The following SLIT1 variants were observed in gnomAD, a reference collection of about 807,000 sequenced individuals.
SLIT1 encodes the protein slit homolog 1 protein.
In SLIT1, 66 loss-of-function variants were observed where a neutral mutation model predicts 186.1. The ratio of observed to expected loss-of-function variants is 0.35; its 90% CI spans 0.29 to 0.44. The LOEUF is 0.44. SLIT1 is among the 20% of genes least tolerant of loss of function. The pLI, the probability that SLIT1 is intolerant of heterozygous loss-of-function variation, is 1.00. For synonymous variants in SLIT1, 761 were observed against 833.8 expected (o/e 0.91, Z 1.50); for missense variants, 1,638 against 2,037.4 (o/e 0.80, Z 3.77).
chr10:97,049,526 A>T (rs981643313), intron 13 of SLIT1, among the ~76,000 whole-genome samples: 5 of 152,210 alleles, frequency 3.3e-5, no homozygotes, highest in Admixed American at 3.3e-4. Flanking sequence ...CAGAGAGGGT[A>T]ACAAAACCCA....
intron 4 of SLIT1, among the ~76,000 whole-genome samples, chr10:97,147,761 T>C (rs1024925509): frequency 2.0e-5 from 3 of 152,072 alleles, no homozygotes; most frequent in African/African-American, 7.3e-5. Context: ...CTAGAACATT[T>C]CTAGGTCTAG....
chr10:97,177,238 G>C (rs937174202), intron 1 of SLIT1, among the ~76,000 whole-genome samples: 2 of 152,130 alleles, frequency 1.3e-5, no homozygotes, highest in Non-Finnish European at 2.9e-5. Context: ...GACCTCTGGG[G>C]CCATCTTTTT....
rs1323442978 is a variant in SLIT1, at chr10:97,001,045, G to A, written c.*67C>T. The A allele has an allele frequency of 1.7e-5, 23 of 1,329,108 alleles. No individual in the cohort carries two copies. Among genetic ancestry groups the A allele is most frequent in the Middle Eastern group, 2.4e-4 (1 of 4,124 alleles). The allele number at this position is 1,329,108 out of a possible 1,614,324, so 82.3% of individuals were successfully genotyped here. On this transcript the variant is annotated 3_prime_UTR_variant, in exon 37 of 37. Transcript: ENST00000266058. ...CCTGCACCCCAGCCCAGCTGCTGGC[G>A]ACTGTCTCCGCTGCTGCAGCGGCTG...
chr10:97,090,401 G>A (rs779529511), intron 4 of SLIT1, among the ~76,000 whole-genome samples: 4 of 152,030 alleles, frequency 2.6e-5, no homozygotes, highest in Non-Finnish European at 5.9e-5. Context: ...GCAAGAGCTG[G>A]AAGTGTCAGG....
Position 97,046,730 on chromosome 10 carries a change from C to G in SLIT1, c.1777G>C (p.Glu593Gln). Residue 593 changes from glutamate (E) to glutamine (Q), a missense_variant, in exon 18 of 37, where the codon GAG becomes CAG. Physicochemically the swap from Glu to Gln is conservative, Grantham distance 29 (BLOSUM62 2). Around this residue, in one of 3 missense-constraint regions of SLIT1, gnomAD observed 1,245 missense variants for 1,535.3 expected, o/e 0.81. Transcript: ENST00000266058. The part of the protein sequence containing the change: ...GAFEGAASVS[E>Q]LHLTANQLES... ...AGCTGGTTGGCAGTTAGGTGCAGCT[C>G]GCTCACAGAGGCTGCGCCCTCGAAG... 6.2e-7 allele frequency: 1 copy of G among 1,612,616 alleles called. No homozygotes were observed. The highest frequency in any genetic ancestry group is 1.1e-5 in the South Asian group (1 of 91,086).
chr10:97,150,950 C>T (rs1224139093), intron 4 of SLIT1, among the ~76,000 whole-genome samples: 2 of 152,182 alleles, frequency 1.3e-5, no homozygotes, highest in East Asian at 3.8e-4. Flanking sequence ...TGTCAGGTGA[C>T]GGAGCTGACC....
rs1848684727 is a variant in SLIT1 at position 97,040,887 on chromosome 10, T to C, written c.2165-767A>G. ...AGGACACTGGGATGCTGGTAGCACATGCTCCCGGGTGACAGTGACCATCAG... is the reference window on the plus strand; with the variant it reads ...AGGACACTGGGATGCTGGTAGCACACGCTCCCGGGTGACAGTGACCATCAG... On this transcript the variant is annotated intron_variant, in intron 20 of 36. Transcript: ENST00000266058. 2.0e-5 allele frequency among the ~76,000 whole-genome samples: 3 copies of C among 152,196 alleles called. No homozygotes were observed. In the South Asian group the frequency reaches 6.2e-4, roughly 32 times the overall value.
At chr10:97,069,197 C>T (rs1005241467) in intron 4 of SLIT1, among the ~76,000 whole-genome samples, 1 of 152,224 alleles carries the variant, frequency 6.6e-6, no homozygotes, top group Non-Finnish European at 1.5e-5. Flanking sequence ...ACAGACTGCC[C>T]ACACTGGAGC....
chr10:97,087,736 G>C (rs952307548), intron 4 of SLIT1, among the ~76,000 whole-genome samples: 1 of 152,090 alleles, frequency 6.6e-6, no homozygotes, highest in African/African-American at 2.4e-5. Context: ...TGGGGAGCCC[G>C]AGGCCTCCAC....
intron 18 of SLIT1, among the ~76,000 whole-genome samples, chr10:97,045,900 C>T (rs1848729559): frequency 6.6e-6 from 1 of 152,326 alleles, no homozygotes; most frequent in Admixed American, 6.5e-5. Flanking sequence ...ATAGTAGCCA[C>T]TAGCCACATG....
At chr10:97,053,377 T>TC (rs753127211) in intron 13 of SLIT1, among the ~76,000 whole-genome samples, 9 of 152,166 alleles carry the variant, frequency 5.9e-5, no homozygotes, top group Non-Finnish European at 1.3e-4. Context: ...CCTCTTTGTC[T>TC]CCCTGGCTAT....
At chr10:97,027,924 A>G (rs570359395) in intron 25 of SLIT1, among the ~76,000 whole-genome samples, 1 of 152,300 alleles carries the variant, frequency 6.6e-6, no homozygotes, top group Admixed American at 6.5e-5. Flanking sequence ...GGGGGCGGAA[A>G]TGCAAAGGTG....
chr10:97,030,906 C>G, intron 24 of SLIT1, 78 bp from the exon 25 acceptor site: 1 of 1,272,110 alleles, frequency 7.9e-7, no homozygotes, highest in Non-Finnish European at 1.1e-6. Context: ...GCCCAGCCCT[C>G]TGCAGAGAGG....
At chr10:97,111,987 C>G (rs1345579075) in intron 4 of SLIT1, among the ~76,000 whole-genome samples, 2 of 152,202 alleles carry the variant, frequency 1.3e-5, no homozygotes, top group Admixed American at 6.5e-5. Flanking sequence ...AATGGCATGT[C>G]CTGGCTGAAC....
chr10:97,057,826 C>A, intron 11 of SLIT1: 3 of 544,658 alleles, frequency 5.5e-6, no homozygotes, highest in Admixed American at 3.1e-5. Flanking sequence ...TTTAAAAAAA[C>A]AAAAGTTCAA....
Position 97,184,353 on chromosome 10 carries a change from T to C in SLIT1, c.197+1125A>G, listed in dbSNP as rs182941477. Among the ~76,000 whole-genome samples the C allele has an allele frequency of 1.3e-5, 2 of 152,214 alleles. No individual in the cohort carries two copies. Among genetic ancestry groups the C allele is most frequent in the African/African-American group, 4.8e-5 (2 of 41,520 alleles). On this transcript the variant is annotated intron_variant, in intron 1 of 36. Coordinates refer to ENST00000266058, the MANE Select transcript of SLIT1 (RefSeq NM_003061.3). This position sits in a 1 kb window ranked among gnomAD's most constrained non-coding sequence, Gnocchi z 4.4. ...GTAGGTTTCAAAGGAGCCAGCAGCC[T>C]TCTCCAAAGCCCTGTTCAAAAATCT...
rs187681522 is a variant in SLIT1, at chr10:97,121,628, C to T, written c.413+36190G>A. 4.6e-5 allele frequency among the ~76,000 whole-genome samples: 7 copies of T among 152,320 alleles called. No homozygotes were observed. The East Asian group carries it at 1.3e-3, about 29-fold the overall frequency. On this transcript the variant is annotated intron_variant, in intron 4 of 36. Coordinates refer to ENST00000266058, the MANE Select transcript of SLIT1 (RefSeq NM_003061.3). ...AAGATCCGAACCCAAGTCCTAATCA[C>T]ACACCAGAAAACCCTCGGGCTAAGT... is the stretch of plus-strand genomic sequence containing the variant.
intron 1 of SLIT1, among the ~76,000 whole-genome samples, chr10:97,168,424 T>C (rs929249328): frequency 6.6e-6 from 1 of 152,252 alleles, no homozygotes; most frequent in African/African-American, 2.4e-5. Context: ...GATTTTTATA[T>C]AGTTAATTCA....
chr10:97,077,519 C>T (rs1564669058), intron 4 of SLIT1, among the ~76,000 whole-genome samples: 1 of 152,210 alleles, frequency 6.6e-6, no homozygotes, highest in Non-Finnish European at 1.5e-5. Context: ...AGCCCTGCAG[C>T]CTGGATTCAA....
Sources: gnomAD v4.1 joint callset for allele counts (sites outside exome capture counted in the v4.1 genomes callset) on GRCh38, gnomAD v4.1.1 for gene constraint, gnomAD v4.1.1 regional missense constraint, Gnocchi (gnomAD v3.1) non-coding constraint, MANE v1.5 for transcripts, NCBI Gene and HGNC (gene_info 2026-07-23, HGNC 2026-07-21) for gene names.